Variants in KLRG1 observed in about 807,000 individuals in gnomAD.
The protein encoded by KLRG1 is killer cell lectin-like receptor subfamily G member 1.
In KLRG1, 16 loss-of-function variants were observed where a neutral mutation model predicts 21.8. The ratio of observed to expected loss-of-function variants is 0.73; its 90% confidence interval spans 0.50 to 1.11. The LOEUF (loss-of-function observed/expected upper bound fraction) is 1.11. Among genes scored for constraint, KLRG1 ranks in the 50% most tolerant of loss-of-function variants. The probability of loss-of-function intolerance (pLI) is 0.00; values close to 1 mark genes in which losing one functional copy is unlikely to be tolerated. For synonymous variants in KLRG1, 69 were observed against 75.9 expected (o/e 0.91, Z 0.47); for missense variants, 173 against 218.3 (o/e 0.79, Z 1.31).
the KLRG1 span, among the ~76,000 whole-genome samples, chr12:9,024,650 G>A: frequency 3.1e-4 from 47 of 152,194 alleles, no homozygotes; most frequent in East Asian, 8.9e-3. Context: ...ACTCTCCAGC[G>A]ATGTATAAAT....
At chr12:9,033,312 G>T in the KLRG1 span, among the ~76,000 whole-genome samples, 1 of 152,118 alleles carries the variant, frequency 6.6e-6, no homozygotes, top group African/African-American at 2.4e-5. Flanking sequence ...GGGCAAGGTG[G>T]TTTATATCTG....
the KLRG1 span, chr12:9,202,425 G>C: frequency 6.2e-7 from 1 of 1,613,274 alleles, no homozygotes; most frequent in Non-Finnish European, 8.5e-7. Context: ...GGTAATTTGG[G>C]TAATAAGACA....
the KLRG1 span, among the ~76,000 whole-genome samples, chr12:9,213,803 G>A: frequency 0.17 from 25,371 of 151,922 alleles, 2,289 homozygotes; most frequent in East Asian, 0.26. Flanking sequence ...GCATGATAGC[G>A]TCCTGAGACA....
intron 1 of KLRG1, among the ~76,000 whole-genome samples, chr12:8,958,302 A>G (rs1396038553): frequency 7.3e-6 from 1 of 137,046 alleles, no homozygotes; most frequent in Non-Finnish European, 1.7e-5. Context: ...TTGTTTGACT[A>G]TTTTTCCTCT....
intron 1 of KLRG1, among the ~76,000 whole-genome samples, chr12:8,976,713 A>G (rs751241082): frequency 6.6e-6 from 1 of 151,924 alleles, no homozygotes; most frequent in East Asian, 1.9e-4. Context: ...ATATAAAATT[A>G]CCTTTTTTCT....
At chr12:9,098,912 C>T in the KLRG1 span, among the ~76,000 whole-genome samples, 1 of 152,166 alleles carries the variant, frequency 6.6e-6, no homozygotes, top group African/African-American at 2.4e-5. Flanking sequence ...TTTTTGTTCC[C>T]TACACTTCTC....
chr12:9,056,740 A>G, the KLRG1 span, among the ~76,000 whole-genome samples: 1 of 152,212 alleles, frequency 6.6e-6, no homozygotes, highest in Non-Finnish European at 1.5e-5. Context: ...TTTTGTAGAG[A>G]TGGGCTCTCA....
At chr12:9,178,047 T>A in the KLRG1 span, among the ~76,000 whole-genome samples, 1 of 152,182 alleles carries the variant, frequency 6.6e-6, no homozygotes, top group African/African-American at 2.4e-5. Flanking sequence ...TAATAATTAT[T>A]ACGCTATGAG....
At chr12:9,158,397 C>G in the KLRG1 span, 2 of 1,613,326 alleles carry the variant, frequency 1.2e-6, no homozygotes, top group Non-Finnish European at 1.7e-6. Context: ...GTGTCAGGCT[C>G]AGAAGTTTGT....
chr12:9,150,652 T>C, the KLRG1 span: 2 of 1,598,852 alleles, frequency 1.3e-6, no homozygotes, highest in African/African-American at 1.3e-5. Context: ...ACCTGTCTCA[T>C]AGTAATCATA....
chr12:9,009,591 G>A lies in KLRG1; in HGVS notation c.*54G>A. The A allele has an allele frequency of 6.3e-7, 1 of 1,592,772 alleles. No individual in the cohort carries two copies. The highest frequency in any genetic ancestry group is 8.6e-7 in the Non-Finnish European group (1 of 1,169,576). ...ATCTGTCATGTATCCCTAAAAGGAG[G>A]GAGCTGGCCACTGGCTGTTGGGAAA... On this transcript the variant is annotated 3_prime_UTR_variant, in exon 5 of 5. Coordinates refer to ENST00000356986, the MANE Select transcript of KLRG1 (RefSeq NM_005810.4).
intron 3 of KLRG1, among the ~76,000 whole-genome samples, chr12:9,002,195 G>A (rs183918281): frequency 3.3e-5 from 5 of 152,154 alleles, no homozygotes; most frequent in African/African-American, 9.6e-5. Context: ...AGATTTTATA[G>A]TTTTGATGTA....
the KLRG1 span, chr12:9,091,539 G>T: frequency 9.1e-7 from 1 of 1,097,868 alleles, no homozygotes; most frequent in Non-Finnish European, 1.3e-6. Flanking sequence ...ACACTCAATA[G>T]AAATACCAAT....
At chr12:9,048,002 G>A in the KLRG1 span, among the ~76,000 whole-genome samples, 2 of 152,180 alleles carry the variant, frequency 1.3e-5, no homozygotes, top group African/African-American at 4.8e-5. Context: ...GAATTGAATA[G>A]CACAATCAAT....
At chr12:8,975,429 G>C (rs1946641809) in intron 1 of KLRG1, among the ~76,000 whole-genome samples, 1 of 152,030 alleles carries the variant, frequency 6.6e-6, no homozygotes, top group African/African-American at 2.4e-5. Flanking sequence ...TTTCTTGTAG[G>C]TTATCCAATT....
the KLRG1 span, among the ~76,000 whole-genome samples, chr12:9,082,194 A>G: frequency 6.6e-5 from 10 of 152,240 alleles, no homozygotes; most frequent in Non-Finnish European, 8.8e-5. Flanking sequence ...ATCCTCTATT[A>G]TGCACATCTA....
chr12:9,034,821 G>A, the KLRG1 span, among the ~76,000 whole-genome samples: 12 of 152,142 alleles, frequency 7.9e-5, no homozygotes, highest in Admixed American at 7.2e-4. Flanking sequence ...TTGTAAAACG[G>A]TCTTGGGCAG....
chr12:9,199,069 T>C, the KLRG1 span, among the ~76,000 whole-genome samples: 1 of 152,210 alleles, frequency 6.6e-6, no homozygotes, highest in Non-Finnish European at 1.5e-5. Context: ...GTAAGGTTCA[T>C]GCCCTCTGTC....
At chr12:8,966,642 C>T (rs1218710397) in intron 1 of KLRG1, among the ~76,000 whole-genome samples, 2 of 151,904 alleles carry the variant, frequency 1.3e-5, no homozygotes, top group African/African-American at 4.8e-5. Flanking sequence ...GAGATACCAT[C>T]TCACACCAGT....
Sources: allele counts gnomAD v4.1 joint callset (sites outside exome capture counted in the v4.1 genomes callset), GRCh38; gene constraint gnomAD v4.1.1; transcripts MANE v1.5; gene names NCBI Gene and HGNC (gene_info 2026-07-23, HGNC 2026-07-21).